The following NELL1 variants were observed in gnomAD, a reference collection of about 807,000 sequenced individuals.
NELL1 encodes the protein protein kinase C-binding protein NELL1.
Under a neutral mutation model 107.4 loss-of-function variants are expected in NELL1, and 76 were observed. That is an observed-to-expected ratio of 0.71 (90% confidence interval 0.59 to 0.86). The LOEUF is 0.86. Among genes scored for constraint, NELL1 ranks in the 40% least tolerant of loss-of-function variants. NELL1 has a pLI of 0.00. For missense variants in NELL1, 1,024 were observed against 1,005.5 expected, an observed-to-expected ratio of 1.02 and a Z score of -0.25; for synonymous variants, 353 against 341.2, an observed-to-expected ratio of 1.03 and a Z score of -0.38.
At chr11:21,524,177 C>G (rs1855794856) in intron 15 of NELL1, among the ~76,000 whole-genome samples, 1 of 152,066 alleles carries the variant, frequency 6.6e-6, no homozygotes, top group Admixed American at 6.6e-5. Flanking sequence ...TTTAAATCCC[C>G]ACTCTGTCAC....
intron 10 of NELL1, among the ~76,000 whole-genome samples, chr11:20,943,384 A>G (rs1850896889): frequency 6.6e-6 from 1 of 151,982 alleles, no homozygotes; most frequent in Non-Finnish European, 1.5e-5. Flanking sequence ...GGAGATTGAG[A>G]CCATCTTGGC....
chr11:20,680,162 A>G (rs1292096184), intron 2 of NELL1, among the ~76,000 whole-genome samples: 1 of 152,106 alleles, frequency 6.6e-6, no homozygotes, highest in Admixed American at 6.5e-5. Context: ...AATATCAGTA[A>G]CTTAATCACA....
chr11:21,428,247 T>A (rs946634331), intron 15 of NELL1, among the ~76,000 whole-genome samples: 6 of 152,144 alleles, frequency 3.9e-5, no homozygotes, highest in Admixed American at 2.6e-4. Context: ...AAGGCTAACA[T>A]CTGATGGCCT....
intron 2 of NELL1, among the ~76,000 whole-genome samples, chr11:20,705,762 C>G (rs1021104413): frequency 1.3e-5 from 2 of 150,558 alleles, no homozygotes; most frequent in African/African-American, 4.9e-5. Context: ...TTGCAACCTA[C>G]TCATCTGACA....
At chr11:21,217,361 T>C (rs1857640670) in intron 13 of NELL1, among the ~76,000 whole-genome samples, 1 of 152,084 alleles carries the variant, frequency 6.6e-6, no homozygotes. Flanking sequence ...AGGGGAAAGG[T>C]ACATTGTGGG....
intron 15 of NELL1, among the ~76,000 whole-genome samples, chr11:21,452,810 A>G (rs530173787): frequency 1.4e-4 from 21 of 152,072 alleles, no homozygotes; most frequent in African/African-American, 4.8e-4. Context: ...ACTATAAATT[A>G]CCTTTTAATC....
rs982533697 is a variant in NELL1 at position 20,744,006 on chromosome 11, A to C, written c.185-39674A>C. On this transcript the variant is annotated intron_variant, in intron 2 of 19. Coordinates refer to ENST00000357134, the MANE Select transcript of NELL1 (RefSeq NM_006157.5). ...TTAGGGGCCATTCTTGAACACTGTTATGTTTATGTTCCTCATCTAGTCTAT... is the reference window on the plus strand; with the variant it reads ...TTAGGGGCCATTCTTGAACACTGTTCTGTTTATGTTCCTCATCTAGTCTAT... Among the ~76,000 whole-genome samples, 3 of 152,268 alleles carry C rather than the reference A, an allele frequency of 2.0e-5. No homozygotes were observed. The South Asian group carries it at 6.2e-4, about 32-fold the overall frequency.
chr11:21,203,772 G>T (rs1857325875), intron 13 of NELL1, among the ~76,000 whole-genome samples: 1 of 152,034 alleles, frequency 6.6e-6, no homozygotes, highest in African/African-American at 2.4e-5. Context: ...CATGTTTAGT[G>T]CTTCCTTCAG....
chr11:21,516,115 T>C (rs1362146231), intron 15 of NELL1, among the ~76,000 whole-genome samples: 1 of 152,146 alleles, frequency 6.6e-6, no homozygotes, highest in Non-Finnish European at 1.5e-5. Context: ...ACAGAGTGTT[T>C]GGCATTAGAC....
chr11:20,754,475 C>T (rs896491879), intron 2 of NELL1, among the ~76,000 whole-genome samples: 4 of 152,100 alleles, frequency 2.6e-5, no homozygotes, highest in African/African-American at 9.7e-5. Flanking sequence ...GAACACGTCA[C>T]AGTTGTATTT....
chr11:21,290,585 A>G (rs1047192106), intron 14 of NELL1, among the ~76,000 whole-genome samples: 1 of 152,040 alleles, frequency 6.6e-6, no homozygotes, highest in Non-Finnish European at 1.5e-5. Flanking sequence ...GACACCTCAT[A>G]CAGGAAAGCT....
chr11:21,057,676 A>C (rs1853644389), intron 12 of NELL1, among the ~76,000 whole-genome samples: 1 of 152,004 alleles, frequency 6.6e-6, no homozygotes, highest in South Asian at 2.1e-4. Context: ...TATGTATACA[A>C]AACACAAGCT....
chr11:20,740,204 A>G (rs1223476430), intron 2 of NELL1, among the ~76,000 whole-genome samples: 2 of 152,146 alleles, frequency 1.3e-5, no homozygotes, highest in African/African-American at 4.8e-5. Flanking sequence ...TCAAAGGGTC[A>G]CTTGCTTGGA....
intron 16 of NELL1, among the ~76,000 whole-genome samples, chr11:21,551,580 C>A (rs1364522791): frequency 2.0e-5 from 3 of 151,456 alleles, no homozygotes; most frequent in Admixed American, 2.0e-4. Flanking sequence ...ATCAAAACCG[C>A]AATGAGATAC....
At chr11:20,751,393 A>T (rs1914977) in intron 2 of NELL1, among the ~76,000 whole-genome samples, 110,892 of 152,116 alleles carry the variant, frequency 0.73, 42,208 homozygotes, top group Middle Eastern at 0.9. Context: ...ATTGTCTATC[A>T]TTCCATCAAT....
intron 2 of NELL1, among the ~76,000 whole-genome samples, chr11:20,702,835 A>T (rs1854831979): frequency 6.6e-6 from 1 of 152,190 alleles, no homozygotes; most frequent in African/African-American, 2.4e-5. Flanking sequence ...ATGTTGAAGC[A>T]GCCATGCATC....
chr11:20,860,457 G>C (rs906164940), intron 4 of NELL1, among the ~76,000 whole-genome samples: 18 of 152,124 alleles, frequency 1.2e-4, no homozygotes, highest in Non-Finnish European at 1.5e-5. Context: ...ATTCTCGATG[G>C]CTTCATTAGT....
chr11:21,124,111 C>G (rs1855433683), intron 13 of NELL1, among the ~76,000 whole-genome samples: 1 of 152,026 alleles, frequency 6.6e-6, no homozygotes, highest in Non-Finnish European at 1.5e-5. Context: ...GATACTTTTT[C>G]TTTATACTCT....
chr11:20,742,823 T>C (rs1198838259), intron 2 of NELL1, among the ~76,000 whole-genome samples: 1 of 152,176 alleles, frequency 6.6e-6, no homozygotes, highest in African/African-American at 2.4e-5. Context: ...TATCACCGCC[T>C]TCTGCCCCTT....
Sources: gnomAD v4.1 joint callset for allele counts (sites outside exome capture counted in the v4.1 genomes callset) on GRCh38, gnomAD v4.1.1 for gene constraint, MANE v1.5 for transcripts, NCBI Gene and HGNC (gene_info 2026-07-23, HGNC 2026-07-21) for gene names.